Variants in EXT2 observed in about 807,000 individuals in gnomAD.
The protein encoded by EXT2 is exostosin glycosyltransferase 2.
Under a neutral mutation model 81.6 loss-of-function variants are expected in EXT2, and 53 were observed. The ratio of observed to expected loss-of-function variants is 0.65; its 90% confidence interval spans 0.52 to 0.82. The LOEUF (loss-of-function observed/expected upper bound fraction) is 0.82, where lower values mean the gene tolerates loss of function less well. Among genes scored for constraint, EXT2 ranks in the 40% least tolerant of loss-of-function variants. The probability of loss-of-function intolerance (pLI) is 0.00; values close to 1 mark genes in which losing one functional copy is unlikely to be tolerated. For missense variants in EXT2, 774 were observed against 910.2 expected, an observed-to-expected ratio of 0.85 and a Z score of 1.93; for synonymous variants, 320 against 340.0, an observed-to-expected ratio of 0.94 and a Z score of 0.65.
At chr11:44,125,087 A>T (rs1954381264) in intron 5 of EXT2, 103 bp downstream of exon 5, 1 of 1,089,400 alleles carries the variant, frequency 9.2e-7, no homozygotes, top group African/African-American at 1.5e-5. Flanking sequence ...TGCAACTAGA[A>T]TTACCCAAGG....
rs538722576 is a variant in EXT2 at position 44,236,508 on chromosome 11, G to A, written c.2018+133G>A. 1.6e-5 allele frequency: 13 copies of A among 813,722 alleles called. No individual in the cohort carries two copies. In the African/African-American group the frequency reaches 1.9e-4, roughly 12 times the overall value. 50.4% of individuals were successfully genotyped at this position (813,722 alleles called of 1,614,324 possible). ...CATAGTCACCTCCATGTGCACTGTG[G>A]GAATTGGGTTAGTTCAAGCCCAGGT... On this transcript the variant is annotated intron_variant, in intron 13 of 13. Transcript: ENST00000533608.
intron 7 of EXT2, among the ~76,000 whole-genome samples, chr11:44,156,922 T>G (rs1241377329): frequency 6.6e-6 from 1 of 152,242 alleles, no homozygotes; most frequent in Non-Finnish European, 1.5e-5. Context: ...TCTTGGTCAC[T>G]GCAGCCGTTC....
At chr11:44,243,133 G>A (rs1956055725) in intron 13 of EXT2, among the ~76,000 whole-genome samples, 1 of 152,112 alleles carries the variant, frequency 6.6e-6, no homozygotes, top group African/African-American at 2.4e-5. Context: ...TTTTTGTAGT[G>A]CTCTCAGATG....
chr11:44,118,703 AGT>A (rs1001537553), intron 4 of EXT2, among the ~76,000 whole-genome samples: 4 of 152,200 alleles, frequency 2.6e-5, no homozygotes, highest in African/African-American at 7.2e-5. Flanking sequence ...GATATAATTC[AGT>A]GCCCTATTTC....
intron 7 of EXT2, among the ~76,000 whole-genome samples, chr11:44,160,140 T>C (rs1452032839): frequency 6.6e-6 from 1 of 152,200 alleles, no homozygotes; most frequent in Non-Finnish European, 1.5e-5. Context: ...TCTGGAAGTG[T>C]GGGGATGCCC....
intron 7 of EXT2, among the ~76,000 whole-genome samples, chr11:44,145,793 CTT>C (rs1954708367): frequency 6.6e-6 from 1 of 152,156 alleles, no homozygotes; most frequent in African/African-American, 2.4e-5. Flanking sequence ...TTAGAGTACT[CTT>C]GAACTATTAT....
At chr11:44,145,283 G>A (rs1954701833) in intron 7 of EXT2, among the ~76,000 whole-genome samples, 1 of 152,146 alleles carries the variant, frequency 6.6e-6, no homozygotes, top group African/African-American at 2.4e-5. Flanking sequence ...TTTTACTCAT[G>A]ATGCCTTTAG....
chr11:44,130,212 G>A (rs879016606), intron 7 of EXT2, 74 bp downstream of exon 7: 1 of 1,151,042 alleles, frequency 8.7e-7, no homozygotes, highest in Non-Finnish European at 1.3e-6. Flanking sequence ...CAGAGGGACA[G>A]GAGCTGAATG....
chr11:44,241,987 G>A (rs1956042683), intron 13 of EXT2, among the ~76,000 whole-genome samples: 1 of 152,206 alleles, frequency 6.6e-6, no homozygotes, highest in Non-Finnish European at 1.5e-5. Context: ...TTAGCCAGGG[G>A]CAGCTGTCAA....
chr11:44,244,145 A>G lies in EXT2; in HGVS notation c.2019-4A>G. The G allele has an allele frequency of 6.2e-7, 1 of 1,613,684 alleles. No homozygotes were observed. Among genetic ancestry groups the G allele is most frequent in the Non-Finnish European group, 8.5e-7 (1 of 1,179,870 alleles). Reference sequence around the variant, plus strand: ...CCTCCCCACCTCCTCTCCAAATCCCACAGGTCAGAGTGCATCAACAAGTTT... The same window carrying G: ...CCTCCCCACCTCCTCTCCAAATCCCGCAGGTCAGAGTGCATCAACAAGTTT... On this transcript the variant is annotated splice_polypyrimidine_tract_variant and splice_region_variant and intron_variant, in intron 13 of 13. Transcript: ENST00000533608.
At chr11:44,146,926 T>G (rs1357884162) in intron 7 of EXT2, among the ~76,000 whole-genome samples, 1 of 152,208 alleles carries the variant, frequency 6.6e-6, no homozygotes, top group Non-Finnish European at 1.5e-5. Context: ...AAACCTCTTA[T>G]AATAAAAGCA....
chr11:44,241,277 T>TA (rs1289242021), intron 13 of EXT2, among the ~76,000 whole-genome samples: 2 of 151,976 alleles, frequency 1.3e-5, no homozygotes, highest in Admixed American at 6.6e-5. Context: ...AGTATTGACT[T>TA]AAAAAAAAGA....
At chr11:44,172,085 C>T (rs546992849) in intron 8 of EXT2, among the ~76,000 whole-genome samples, 27 of 152,258 alleles carry the variant, frequency 1.8e-4, no homozygotes, top group Middle Eastern at 3.4e-3. Context: ...CTGTAAGCAA[C>T]GTAATAATAA....
intron 10 of EXT2, among the ~76,000 whole-genome samples, chr11:44,231,546 A>G (rs1955898718): frequency 6.6e-6 from 1 of 152,210 alleles, no homozygotes; most frequent in Non-Finnish European, 1.5e-5. Flanking sequence ...ACTTAAAGAA[A>G]GAGTTTGAAG....
At chr11:44,221,510 A>G (rs1423110500) in intron 10 of EXT2, among the ~76,000 whole-genome samples, 2 of 152,224 alleles carry the variant, frequency 1.3e-5, no homozygotes, top group Non-Finnish European at 2.9e-5. Context: ...TTATTGTTTT[A>G]AAAGCTGCCT....
At chr11:44,239,406 T>TC (rs1324479523) in intron 13 of EXT2, among the ~76,000 whole-genome samples, 1 of 149,884 alleles carries the variant, frequency 6.7e-6, no homozygotes, top group Non-Finnish European at 1.5e-5. Context: ...TTTTTTTTTT[T>TC]TTTTTGAGAC....
intron 7 of EXT2, among the ~76,000 whole-genome samples, chr11:44,148,521 C>G (rs2135075819): frequency 6.6e-6 from 1 of 152,204 alleles, no homozygotes; most frequent in Middle Eastern, 3.4e-3. Context: ...ATCAGGAAGT[C>G]TAGAAAAAAG....
chr11:44,185,523 C>T (rs578033666), intron 8 of EXT2, among the ~76,000 whole-genome samples: 4 of 152,004 alleles, frequency 2.6e-5, no homozygotes, highest in Non-Finnish European at 5.9e-5. Context: ...TGGGTTCATG[C>T]CTTTTTTTCA....
At chr11:44,096,083 G>T in intron 1 of EXT2, 1 of 694,276 alleles carries the variant, frequency 1.4e-6, no homozygotes, top group Non-Finnish European at 2.6e-6. Flanking sequence ...CTCCTCCGGC[G>T]GCGGCCGCGC....
Sources: allele counts gnomAD v4.1 joint callset (sites outside exome capture counted in the v4.1 genomes callset), GRCh38; gene constraint gnomAD v4.1.1; transcripts MANE v1.5; gene names NCBI Gene and HGNC (gene_info 2026-07-23, HGNC 2026-07-21).